BCAN: variants seen among roughly 807,000 people sequenced by gnomAD.
BCAN encodes the protein brevican, also known as brevican core protein.
BCAN carries 51 observed loss-of-function variants against 92.4 expected under a neutral mutation model. The observed-to-expected ratio is 0.55, with a 90% CI of 0.44 to 0.70. The LOEUF (loss-of-function observed/expected upper bound fraction) is 0.70. Among genes scored for constraint, BCAN ranks in the 30% least tolerant of loss-of-function variants. BCAN has a pLI of 0.00. For synonymous variants in BCAN, 501 were observed against 505.2 expected, an observed-to-expected ratio of 0.99 and a Z score of 0.11; for missense variants, 1,140 against 1,212.1, an observed-to-expected ratio of 0.94 and a Z score of 0.88.
chr1:156,648,929 AC>A, intron 6 of BCAN, 68 bp downstream of exon 6: 1 of 1,476,580 alleles, frequency 6.8e-7, no homozygotes, highest in Non-Finnish European at 9.1e-7. Context: ...TAAAAGTCCT[AC>A]CCCAGTCTGA....
intron 1 of BCAN, among the ~76,000 whole-genome samples, chr1:156,645,348 G>A (rs925050184): frequency 2.6e-5 from 4 of 152,264 alleles, no homozygotes; most frequent in African/African-American, 9.6e-5. Context: ...CTGGGAAGAA[G>A]AAGGGAGGAG....
intron 5 of BCAN, 128 bp downstream of exon 5, chr1:156,648,238 C>A (rs1456411094): frequency 4.6e-6 from 6 of 1,296,204 alleles, no homozygotes; most frequent in South Asian, 4.2e-5. Flanking sequence ...AGTAAGGAGA[C>A]AATTGGTGTC....
Position 156,646,876 on chromosome 1 carries a change from C to T in BCAN, c.167C>T (p.Pro56Leu), listed in dbSNP as rs1490785367. The T allele has an allele frequency of 4.3e-6, 7 of 1,610,506 alleles. No homozygotes were observed. The highest frequency in any genetic ancestry group is 5.9e-6 in the Non-Finnish European group (7 of 1,178,588). The change falls in exon 3 of 14, where the codon CCT becomes CTT. Residue 56 changes from proline to leucine, a missense_variant. Pro to Leu is a moderately conservative substitution (Grantham distance 98, BLOSUM62 -3). Around this residue, in one of 3 missense-constraint regions of BCAN, gnomAD observed 286 missense variants for 284.1 expected, o/e 1.01. Coordinates refer to ENST00000329117, the MANE Select transcript of BCAN (RefSeq NM_021948.5). ...GTGCTCGGCGGCGCCCTCACCATCC[C>T]TTGCCACGTCCACTACCTGCGGCCA... ...QGVLGGALTIPCHVHYLRPPP... is the reference protein window; with the variant it reads ...QGVLGGALTILCHVHYLRPPP...
chr1:156,658,567 T>G lies in BCAN; in HGVS notation c.2462T>G (p.Leu821Arg). 6.2e-7 allele frequency: 1 copy of G among 1,613,958 alleles called. No homozygotes were observed. The highest frequency in any genetic ancestry group is 8.5e-7 in the Non-Finnish European group (1 of 1,180,006). The change falls in exon 13 of 14, where the codon CTG (leucine) becomes CGG (arginine). Residue 821 changes from leucine (L) to arginine (R), a missense_variant. Physicochemically the swap from Leu to Arg is moderately radical, Grantham distance 102. Transcript: ENST00000329117. The surrounding 1 kb of genome is among the most constrained non-coding windows in gnomAD (Gnocchi z 4.4). ...GTGTCCTGTGGGCCGCCACCGGAGC[T>G]GCCCCTGGCTCAAGTGTTCGGCCGC... is the stretch of plus-strand genomic sequence containing the variant. The part of the protein sequence containing the change: ...GLVSCGPPPE[L>R]PLAQVFGRPR...
chr1:156,646,819 TG>T lies in BCAN; in HGVS notation c.111del (p.Arg38AlafsTer63). On this transcript the variant is annotated frameshift_variant, in exon 3 of 14. Coordinates refer to ENST00000329117, the MANE Select transcript of BCAN (RefSeq NM_021948.5). LOFTEE classifies it high-confidence loss of function. The stretch of plus-strand genomic sequence containing the variant: ...TTCACAGAGGACCGCGCTTTTCGCG[TG>T]CGCATCGCGGGCGACGCGCCACTGC... ...GDSSEDRAFR[V>X]RIAGDAPLQG... 6.4e-7 allele frequency: 1 copy of T among 1,569,406 alleles called. No homozygotes were observed. Among genetic ancestry groups the T allele is most frequent in the Non-Finnish European group, 8.6e-7 (1 of 1,158,212 alleles).
In BCAN at chr1:156,652,559, G is replaced by A. The variant is rs766954928; in HGVS notation, c.1609G>A (p.Gly537Arg). The change falls in exon 8 of 14, where the codon GGA becomes AGA. Residue 537 changes from glycine (G) to arginine (R), a missense_variant. This residue lies in a region of BCAN where 825 missense variants were observed against 871.8 expected (regional missense o/e 0.95). Transcript: ENST00000329117. ...SEASRPPRVH[G>R]PPTETLPTPR... ...AGCTTCCAGGCCTCCAAGGGTCCAT[G>A]GACCACCTACTGAGACTCTGCCCAC... 1 of 1,613,894 alleles carries A rather than the reference G, an allele frequency of 6.2e-7. No homozygotes were observed. Among genetic ancestry groups the A allele is most frequent in the Non-Finnish European group, 8.5e-7 (1 of 1,179,966 alleles).
rs756058000 is a variant in BCAN at position 156,652,492 on chromosome 1, C to T, written c.1542C>T (p.Val514=). ...ESLSQAPARA[V]LQPGASPLPD... ...TCTCCCAGGCGCCAGCAAGGGCAGT[C>T]CTGCAGCCTGGTGCATCACCACTTC... is the stretch of plus-strand genomic sequence containing the variant. Residue 514 remains valine, a synonymous_variant, in exon 8 of 14, where the codon GTC becomes GTT. Transcript: ENST00000329117. 3 of 1,608,324 alleles carry T rather than the reference C, an allele frequency of 1.9e-6. No homozygotes were observed. Among genetic ancestry groups the T allele is most frequent in the Admixed American group, 3.4e-5 (2 of 59,030 alleles).
Position 156,652,840 on chromosome 1 carries a change from G to T in BCAN, c.1890G>T (p.Val630=). ...GGACCTCAGTGCAGGCCCAGCCAGT[G>T]CTGCCCACTGACAGCGCCAGCCGAG... ...PAGTSVQAQP[V]LPTDSASRGG... is the part of the protein sequence containing the mutation. Residue 630 remains valine, a synonymous_variant, in exon 8 of 14, where the codon GTG becomes GTT. Transcript: ENST00000329117. 6.2e-7 allele frequency: 1 copy of T among 1,613,898 alleles called. No homozygotes were observed.
Position 156,658,544 on chromosome 1 carries a change from G to A in BCAN, c.2439G>A (p.Val813=). ...GTTCCTAACTGTCTTCCTTTGCAGTGTCCTGTGGGCCGCCACCGGAGCTGC... is the reference window on the plus strand; with the variant it reads ...GTTCCTAACTGTCTTCCTTTGCAGTATCCTGTGGGCCGCCACCGGAGCTGC... The part of the protein sequence containing the change: ...HLSYTCKMGL[V]SCGPPPELPL... The change falls in exon 13 of 14, where the codon GTG becomes GTA. Residue 813 remains valine, a splice_region_variant and synonymous_variant. Coordinates refer to ENST00000329117, the MANE Select transcript of BCAN (RefSeq NM_021948.5). This position sits in a 1 kb window ranked among gnomAD's most constrained non-coding sequence, Gnocchi z 4.4. The A allele has an allele frequency of 6.2e-7, 1 of 1,613,186 alleles. No individual in the cohort carries two copies. Among genetic ancestry groups the A allele is most frequent in the South Asian group, 1.1e-5 (1 of 91,030 alleles).
chr1:156,646,904 G>A lies in BCAN; in HGVS notation c.195G>A (p.Pro65=). 2 of 1,611,126 alleles carry A rather than the reference G, an allele frequency of 1.2e-6. No homozygotes were observed. Among genetic ancestry groups the A allele is most frequent in the Non-Finnish European group, 1.7e-6 (2 of 1,179,002 alleles). The change falls in exon 3 of 14, where the codon CCG becomes CCA. Residue 65 remains proline, a synonymous_variant. Coordinates refer to ENST00000329117, the MANE Select transcript of BCAN (RefSeq NM_021948.5). Reference sequence around the variant, plus strand: ...GCCACGTCCACTACCTGCGGCCACCGCCGAGCCGCCGGGCTGTGCTGGGCT... The same window carrying A: ...GCCACGTCCACTACCTGCGGCCACCACCGAGCCGCCGGGCTGTGCTGGGCT... The part of the protein sequence containing the change: ...IPCHVHYLRP[P]PSRRAVLGSP...
At chr1:156,656,903 T>C in intron 9 of BCAN, 35 bp from the exon 10 acceptor site, 1 of 1,602,646 alleles carries the variant, frequency 6.2e-7, no homozygotes, top group Non-Finnish European at 8.5e-7. Context: ...CTCTGGGTTT[T>C]GGGGCCCTAA....
intron 8 of BCAN, 108 bp from the exon 9 acceptor site, chr1:156,656,174 G>C: frequency 3.0e-6 from 2 of 675,796 alleles, no homozygotes; most frequent in Non-Finnish European, 2.3e-6. Context: ...ATAGCTTCCA[G>C]GACAGAGAGA....
rs199791981 is a variant in BCAN at position 156,652,278 on chromosome 1, C to A, written c.1328C>A (p.Thr443Lys). The change falls in exon 8 of 14, where the codon ACG (threonine) becomes AAG (lysine). Residue 443 changes from threonine to lysine, a missense_variant. Physicochemically the swap from Thr to Lys is moderately conservative, Grantham distance 78. This residue lies in a region of BCAN where 825 missense variants were observed against 871.8 expected (regional missense o/e 0.95). Transcript: ENST00000329117. ...GAAACACAATCCATGGTACCGCCCACGGGGTTCTCAGAAGAGGAAGGTAAG... is the reference window on the plus strand; with the variant it reads ...GAAACACAATCCATGGTACCGCCCAAGGGGTTCTCAGAAGAGGAAGGTAAG... ...EFETQSMVPP[T>K]GFSEEEGKAL... 183 of 1,606,256 alleles carry A rather than the reference C, an allele frequency of 1.1e-4. No individual in the cohort carries two copies. Among genetic ancestry groups the A allele is most frequent in the Non-Finnish European group, 2.8e-5 (33 of 1,176,566 alleles).
rs1337997625 is a variant in BCAN, at chr1:156,651,482, G to T, written c.1090G>T (p.Glu364Ter). 1.2e-6 allele frequency: 2 copies of T among 1,613,894 alleles called. No homozygotes were observed. The highest frequency in any genetic ancestry group is 1.7e-6 in the Non-Finnish European group (2 of 1,180,000). The change falls in exon 7 of 14, where the codon GAG (glutamate) becomes TAG (stop). Residue 364 changes from glutamate to a stop codon, truncating the protein, a stop_gained. Coordinates refer to ENST00000329117, the MANE Select transcript of BCAN (RefSeq NM_021948.5). LOFTEE classifies it high-confidence loss of function. ...RDSAQPSAIP[E>*]ASNPASNPAS... is the part of the protein sequence containing the mutation. ...CTCGGCCCAGCCTTCTGCCATCCCT[G>T]AGGCCTCCAACCCAGCCTCCAACCC... is the stretch of plus-strand genomic sequence containing the variant.
rs556003707 is a variant in BCAN at position 156,652,129 on chromosome 1, T to G, written c.1298-119T>G. 57 of 1,371,914 alleles carry G rather than the reference T, an allele frequency of 4.2e-5. No homozygotes were observed. The Middle Eastern group carries it at 7.9e-4, about 19-fold the overall frequency. The allele number at this position is 1,371,914 out of a possible 1,614,324, so 85.0% of individuals were successfully genotyped here. ...CAAGGACCACCTGTCCTCAGGGCGGTCTCTTCCCTATTCCCCAGGGCTCAC... is the reference window on the plus strand; with the variant it reads ...CAAGGACCACCTGTCCTCAGGGCGGGCTCTTCCCTATTCCCCAGGGCTCAC... On this transcript the variant is annotated intron_variant, in intron 7 of 13. Coordinates refer to ENST00000329117, the MANE Select transcript of BCAN (RefSeq NM_021948.5).
chr1:156,648,358 ACT>A (rs879699255), intron 5 of BCAN, among the ~76,000 whole-genome samples: 22 of 151,940 alleles, frequency 1.4e-4, no homozygotes, highest in Admixed American at 3.3e-4. Context: ...TCTGTGCATG[ACT>A]CTGCAGAACA....
In BCAN at chr1:156,652,637, A is replaced by G. The variant is rs771310974; in HGVS notation, c.1687A>G (p.Arg563Gly). ...SPSPSTLVEAREVGEATGGPE... is the reference protein window; with the variant it reads ...SPSPSTLVEAGEVGEATGGPE... ...ATCACCTTCCACTCTGGTTGAGGCAAGAGAGGTGGGGGAGGCAACTGGTGG... is the reference window on the plus strand; with the variant it reads ...ATCACCTTCCACTCTGGTTGAGGCAGGAGAGGTGGGGGAGGCAACTGGTGG... Residue 563 changes from arginine (R) to glycine (G), a missense_variant, in exon 8 of 14, where the codon AGA becomes GGA. This residue lies in a region of BCAN where 825 missense variants were observed against 871.8 expected (regional missense o/e 0.95). Coordinates refer to ENST00000329117, the MANE Select transcript of BCAN (RefSeq NM_021948.5). The G allele has an allele frequency of 1.7e-5, 28 of 1,613,750 alleles. No individual in the cohort carries two copies. Among genetic ancestry groups the G allele is most frequent in the South Asian group, 9.9e-5 (9 of 91,066 alleles).
At position 156,642,154 on chromosome 1, in the gene BCAN, G is replaced by C. The variant is rs1369034765; in HGVS notation, c.-130G>C. On this transcript the variant is annotated 5_prime_UTR_variant, in exon 1 of 14. Transcript: ENST00000329117. The surrounding 1 kb of genome is among the most constrained non-coding windows in gnomAD (Gnocchi z 4.2). ...TCCTGCGGCCCCAGCCTCTCCTCAC[G>C]CTCGCGCAGTCTCCGCCGCAGTCTC... The C allele has an allele frequency of 6.6e-6, 1 of 152,286 alleles. No homozygotes were observed. The highest frequency in any genetic ancestry group is 1.5e-5 in the Non-Finnish European group (1 of 68,114). The allele number at this position is 152,286 out of a possible 1,614,324, so 9.4% of individuals were successfully genotyped here. A position where few individuals can be genotyped will look rare whatever the true frequency, so the allele number is the denominator to read the frequency against.
intron 8 of BCAN, among the ~76,000 whole-genome samples, chr1:156,655,807 T>TAG (rs1240367952): frequency 5.3e-5 from 8 of 152,188 alleles, no homozygotes; most frequent in Non-Finnish European, 8.8e-5. Flanking sequence ...CTTCCATTCA[T>TAG]TCCACCTGGA....
Sources: gnomAD v4.1 joint callset for allele counts (sites outside exome capture counted in the v4.1 genomes callset) on GRCh38, gnomAD v4.1.1 for gene constraint, gnomAD v4.1.1 regional missense constraint, Gnocchi (gnomAD v3.1) non-coding constraint, MANE v1.5 for transcripts, NCBI Gene and HGNC (gene_info 2026-07-23, HGNC 2026-07-21) for gene names.